The following OPCML variants were observed in gnomAD, a reference collection of about 807,000 sequenced individuals.
OPCML encodes opioid-binding protein/cell adhesion molecule.
A neutral mutation model predicts 37.8 loss-of-function variants in OPCML; 13 were observed. The observed-to-expected ratio is 0.34, with a 90% CI of 0.22 to 0.55. The LOEUF is 0.55. Among genes scored for constraint, OPCML ranks in the 20% least tolerant of loss-of-function variants. The pLI is 0.91. For synonymous variants in OPCML, 176 were observed against 168.8 expected, an observed-to-expected ratio of 1.04 and a Z score of -0.33; for missense variants, 341 against 435.6, an observed-to-expected ratio of 0.78 and a Z score of 1.93.
intron 2 of OPCML, among the ~76,000 whole-genome samples, chr11:132,907,464 C>T (rs1170065509): frequency 6.6e-6 from 1 of 152,052 alleles, no homozygotes; most frequent in Admixed American, 6.5e-5. Context: ...AACCCCATCT[C>T]TACTAAAAAT....
At chr11:132,879,623 A>C (rs1366456766) in intron 2 of OPCML, among the ~76,000 whole-genome samples, 1 of 152,214 alleles carries the variant, frequency 6.6e-6, no homozygotes, top group East Asian at 1.9e-4. Context: ...AGAATAACAA[A>C]GTTTGGTGTG....
At chr11:133,329,673 A>G (rs1468603790) in intron 1 of OPCML, among the ~76,000 whole-genome samples, 4 of 152,228 alleles carry the variant, frequency 2.6e-5, no homozygotes, top group African/African-American at 9.6e-5. Flanking sequence ...CTTACACCTT[A>G]TACAAAAATT....
intron 5 of OPCML, 65 bp downstream of exon 5, chr11:132,437,157 C>T: frequency 6.3e-7 from 1 of 1,582,578 alleles, no homozygotes. Context: ...CTGCCATTAC[C>T]AGATTGTCCA....
intron 4 of OPCML, among the ~76,000 whole-genome samples, chr11:132,444,840 G>A (rs2096049294): frequency 6.6e-6 from 1 of 152,182 alleles, no homozygotes; most frequent in Non-Finnish European, 1.5e-5. Flanking sequence ...GCAGTACATT[G>A]CATCCTTGCC....
intron 2 of OPCML, among the ~76,000 whole-genome samples, chr11:132,835,935 A>G (rs1389963763): frequency 6.6e-6 from 1 of 152,158 alleles, no homozygotes; most frequent in Non-Finnish European, 1.5e-5. Context: ...CTACTTACAA[A>G]TATCCATTTT....
intron 4 of OPCML, among the ~76,000 whole-genome samples, chr11:132,485,234 T>C (rs2096195864): frequency 6.6e-6 from 1 of 152,170 alleles, no homozygotes; most frequent in Non-Finnish European, 1.5e-5. Context: ...ACAAGCAAGT[T>C]ACTTTGTATT....
chr11:132,605,771 G>T (rs73049179), intron 3 of OPCML, among the ~76,000 whole-genome samples: 16,317 of 152,068 alleles, frequency 0.11, 1,450 homozygotes, highest in African/African-American at 0.22. Flanking sequence ...CAACCTCCTT[G>T]AGAACACAGG....
chr11:133,329,231 T>A (rs1407151206), intron 1 of OPCML, among the ~76,000 whole-genome samples: 1 of 152,156 alleles, frequency 6.6e-6, no homozygotes, highest in Non-Finnish European at 1.5e-5. Flanking sequence ...GTAGGGAGAA[T>A]CAATATCGTG....
chr11:132,547,959 C>A (rs75397486), intron 3 of OPCML, among the ~76,000 whole-genome samples: 1 of 152,202 alleles, frequency 6.6e-6, no homozygotes, highest in South Asian at 2.1e-4. Context: ...AAAATGAGAG[C>A]TTAGACCTGG....
chr11:132,905,267 T>C (rs1944201381), intron 2 of OPCML, among the ~76,000 whole-genome samples: 2 of 149,664 alleles, frequency 1.3e-5, no homozygotes, highest in South Asian at 4.3e-4. Context: ...GTTTCACTCT[T>C]GTTTCCCAGG....
intron 1 of OPCML, among the ~76,000 whole-genome samples, chr11:133,356,834 G>A (rs1462688691): frequency 6.6e-6 from 1 of 152,160 alleles, no homozygotes; most frequent in Admixed American, 6.5e-5. Context: ...TTTTTTAAAA[G>A]CGCGTGTCCA....
intron 1 of OPCML, among the ~76,000 whole-genome samples, chr11:133,493,238 T>G (rs1947704932): frequency 6.6e-6 from 1 of 152,212 alleles, no homozygotes; most frequent in Admixed American, 6.5e-5. Context: ...CCAGCCTGCT[T>G]AAGCCTGGAG....
chr11:133,494,695 G>A (rs1182985818), intron 1 of OPCML, among the ~76,000 whole-genome samples: 1 of 133,186 alleles, frequency 7.5e-6, no homozygotes, highest in East Asian at 2.1e-4. Flanking sequence ...CACAGGAAGG[G>A]GAACATCACA....
intron 1 of OPCML, among the ~76,000 whole-genome samples, chr11:133,528,279 T>C (rs1426508052): frequency 6.6e-6 from 1 of 152,218 alleles, no homozygotes; most frequent in African/African-American, 2.4e-5. Context: ...GATGACGCAG[T>C]CTAACCTTAT....
At chr11:133,353,967 G>A (rs1232594737) in intron 1 of OPCML, among the ~76,000 whole-genome samples, 1 of 138,142 alleles carries the variant, frequency 7.2e-6, no homozygotes, top group Non-Finnish European at 1.6e-5. Context: ...GGCTATGGAA[G>A]CAGATTGTCT....
chr11:132,654,497 G>C (rs1027578186), intron 3 of OPCML, among the ~76,000 whole-genome samples: 5 of 150,702 alleles, frequency 3.3e-5, no homozygotes, highest in African/African-American at 1.2e-4. Flanking sequence ...TCCTCCCCAA[G>C]AGAAGCTCTT....
chr11:133,073,966 T>C (rs1418311144), intron 1 of OPCML, among the ~76,000 whole-genome samples: 6 of 152,324 alleles, frequency 3.9e-5, no homozygotes, highest in Non-Finnish European at 4.4e-5. Flanking sequence ...TGGAAACCAG[T>C]TTGACTTATT....
At chr11:133,086,477 T>C (rs11823965) in intron 1 of OPCML, among the ~76,000 whole-genome samples, 12,891 of 152,220 alleles carry the variant, frequency 0.085, 1,823 homozygotes, top group African/African-American at 0.3. Flanking sequence ...TATTGTCTGA[T>C]AAATGTCCTC....
Position 133,088,667 on chromosome 11 carries a change from A to G in OPCML, c.62-145657T>C, listed in dbSNP as rs576976485. On this transcript the variant is annotated intron_variant, in intron 1 of 7. Transcript: ENST00000524381. ...TGGATTAATTATATAACATGGATAA[A>G]TAACTTTCTGCAACAAGACTTTAAA... is the stretch of plus-strand genomic sequence containing the variant. Among the ~76,000 whole-genome samples the G allele has an allele frequency of 3.9e-5, 6 of 152,352 alleles. 2 individuals carry two copies. The highest frequency in any genetic ancestry group is 1.4e-4 in the African/African-American group (6 of 41,594).
Sources: allele counts gnomAD v4.1 joint callset (sites outside exome capture counted in the v4.1 genomes callset), GRCh38; gene constraint gnomAD v4.1.1; transcripts MANE v1.5; gene names NCBI Gene and HGNC (gene_info 2026-07-23, HGNC 2026-07-21).